NAV2: variants seen among roughly 807,000 people sequenced by gnomAD.
NAV2 encodes the protein neuron navigator 2.
Under a neutral mutation model 223.2 loss-of-function variants are expected in NAV2, and 54 were observed. The ratio of observed to expected loss-of-function variants is 0.24; its 90% CI spans 0.19 to 0.30. The LOEUF (loss-of-function observed/expected upper bound fraction) is 0.30. Ranked by LOEUF, NAV2 falls within the 10% of genes least tolerant of loss-of-function variation. The pLI is 1.00. For synonymous variants in NAV2, 1,279 were observed against 1,239.3 expected, an observed-to-expected ratio of 1.03 and a Z score of -0.67; for missense variants, 2,806 against 3,147.5, an observed-to-expected ratio of 0.89 and a Z score of 2.60.
intron 1 of NAV2, among the ~76,000 whole-genome samples, chr11:19,703,059 A>T (rs2049555452): frequency 6.6e-6 from 1 of 151,598 alleles, no homozygotes; most frequent in South Asian, 2.1e-4. Flanking sequence ...ATTTATACGT[A>T]TGTACACACA....
At chr11:19,778,117 G>A in intron 1 of NAV2, 1 of 396,538 alleles carries the variant, frequency 2.5e-6, no homozygotes, top group Non-Finnish European at 5.1e-6. Context: ...TATCAGTCCC[G>A]GGAGAGCTGA....
At chr11:19,552,644 A>G (rs1192988301) in intron 1 of NAV2, among the ~76,000 whole-genome samples, 1 of 152,256 alleles carries the variant, frequency 6.6e-6, no homozygotes, top group Non-Finnish European at 1.5e-5. Context: ...GAAGGACGGT[A>G]GGACCATAAA....
rs560315708 is a variant in NAV2, at chr11:20,026,167, G to T, written c.2769-9792G>T. ...ACTAGATGAGACTAAATTTGCTGGG[G>T]TTAGTGACTACATTCTGTCCTTGCA... On this transcript the variant is annotated intron_variant, in intron 11 of 37. Coordinates refer to ENST00000349880, the MANE Select transcript of NAV2 (RefSeq NM_145117.5). Among the ~76,000 whole-genome samples, 3 of 152,146 alleles carry T rather than the reference G, an allele frequency of 2.0e-5. No individual in the cohort carries two copies. In the South Asian group the frequency reaches 6.2e-4, roughly 32 times the overall value.
chr11:19,364,498 AC>A (rs1395716761), intron 1 of NAV2, among the ~76,000 whole-genome samples: 1 of 152,020 alleles, frequency 6.6e-6, no homozygotes, highest in East Asian at 1.9e-4. Flanking sequence ...AGCCAGTGTC[AC>A]CCCCTCTGTC....
intron 1 of NAV2, among the ~76,000 whole-genome samples, chr11:19,737,406 G>T (rs1444494556): frequency 6.6e-6 from 1 of 152,230 alleles, no homozygotes; most frequent in African/African-American, 2.4e-5. Context: ...TTACAGCCTG[G>T]TTGGGAGAAT....
chr11:19,754,685 A>G (rs2054096486), intron 1 of NAV2, among the ~76,000 whole-genome samples: 1 of 152,210 alleles, frequency 6.6e-6, no homozygotes. Flanking sequence ...TCTAAACTCA[A>G]TACATTTACA....
intron 1 of NAV2, among the ~76,000 whole-genome samples, chr11:19,717,949 G>C (rs551034380): frequency 6.6e-6 from 1 of 152,246 alleles, no homozygotes; most frequent in Non-Finnish European, 1.5e-5. Context: ...ACCTAACTTA[G>C]CCAGCAAGTA....
At chr11:19,798,032 T>A (rs1307586286) in intron 1 of NAV2, among the ~76,000 whole-genome samples, 1 of 152,118 alleles carries the variant, frequency 6.6e-6, no homozygotes, top group African/African-American at 2.4e-5. Flanking sequence ...GTGGCCATGG[T>A]GTGATTCCCT....
intron 10 of NAV2, among the ~76,000 whole-genome samples, chr11:19,971,341 G>C (rs935630623): frequency 6.6e-6 from 1 of 152,136 alleles, no homozygotes; most frequent in Non-Finnish European, 1.5e-5. Flanking sequence ...CCTTTTCACT[G>C]TGGGATTTTA....
chr11:19,970,223 C>G (rs1180769780), intron 10 of NAV2, among the ~76,000 whole-genome samples: 6 of 152,112 alleles, frequency 3.9e-5, no homozygotes, highest in Non-Finnish European at 7.4e-5. Context: ...GGGTGGAGTG[C>G]AGTGGCATGA....
At chr11:20,051,530 A>C (rs1406841560) in intron 17 of NAV2, among the ~76,000 whole-genome samples, 197 bp downstream of exon 17, 3 of 152,152 alleles carry the variant, frequency 2.0e-5, no homozygotes, top group Admixed American at 6.5e-5. Context: ...TTGCTTGAGC[A>C]GGGGCTGTGC....
intron 1 of NAV2, among the ~76,000 whole-genome samples, chr11:19,397,450 T>C (rs934806147): frequency 1.3e-5 from 2 of 151,092 alleles, no homozygotes; most frequent in African/African-American, 4.9e-5. Context: ...ATACTGTTCT[T>C]GTGTCTGCCT....
chr11:19,959,551 G>A (rs545618041), intron 10 of NAV2, among the ~76,000 whole-genome samples: 247 of 152,318 alleles, frequency 1.6e-3, no homozygotes, highest in African/African-American at 5.7e-3. Flanking sequence ...CAGGCAAAGT[G>A]CTAGCCCAGT....
At chr11:20,038,919 G>A (rs1251858751) in intron 12 of NAV2, among the ~76,000 whole-genome samples, 1 of 152,208 alleles carries the variant, frequency 6.6e-6, no homozygotes, top group African/African-American at 2.4e-5. Context: ...GAAAGAAGAG[G>A]AGACGGATCA....
chr11:19,836,883 A>G lies in NAV2; in HGVS notation c.385+4282A>G, dbSNP rs145242503. Among the ~76,000 whole-genome samples the G allele has an allele frequency of 6.9e-3, 1,055 of 152,246 alleles. 11 individuals carry two copies. Among genetic ancestry groups the G allele is most frequent in the African/African-American group, 0.024 (1,011 of 41,548 alleles). ...CTCATTTGCAGACAGCCATCTTTTC[A>G]CCGTGTCCTTCCATGGTGGAAGGCG... On this transcript the variant is annotated intron_variant, in intron 2 of 37. Coordinates refer to ENST00000349880, the MANE Select transcript of NAV2 (RefSeq NM_145117.5).
chr11:19,648,818 G>A (rs764605099), intron 1 of NAV2, among the ~76,000 whole-genome samples: 9 of 152,098 alleles, frequency 5.9e-5, no homozygotes, highest in Non-Finnish European at 1.3e-4. Flanking sequence ...AGGTGTAGAG[G>A]AATCAGATAA....
intron 1 of NAV2, among the ~76,000 whole-genome samples, chr11:19,751,299 C>T (rs2053791730): frequency 6.6e-6 from 1 of 152,188 alleles, no homozygotes; most frequent in Admixed American, 6.5e-5. Context: ...ACTCATACTG[C>T]TAGTCAACAA....
At chr11:19,503,663 A>T (rs2043029025) in intron 1 of NAV2, 1 of 152,200 alleles carries the variant, frequency 6.6e-6, no homozygotes. Flanking sequence ...AATATTCCAT[A>T]GCCTGAACGT....
intron 1 of NAV2, among the ~76,000 whole-genome samples, chr11:19,757,621 A>T (rs959341571): frequency 1.3e-5 from 2 of 152,240 alleles, no homozygotes; most frequent in African/African-American, 4.8e-5. Context: ...ATTTCTGGGA[A>T]AGTGCTTCAT....
Sources: allele counts gnomAD v4.1 joint callset (sites outside exome capture counted in the v4.1 genomes callset), GRCh38; gene constraint gnomAD v4.1.1; transcripts MANE v1.5; gene names NCBI Gene and HGNC (gene_info 2026-07-23, HGNC 2026-07-21).